The following TMEM71 variants were observed in gnomAD, a reference collection of about 807,000 sequenced individuals.
The protein encoded by TMEM71 is transmembrane protein 71.
Under a neutral mutation model 38.0 loss-of-function variants are expected in TMEM71, and 44 were observed. The ratio of observed to expected loss-of-function variants is 1.16; its 90% CI spans 0.91 to 1.49. The LOEUF (loss-of-function observed/expected upper bound fraction) is 1.49. TMEM71 is among the 40% of genes most tolerant of loss of function. The probability of loss-of-function intolerance (pLI) is 0.00; values close to 1 mark genes in which losing one functional copy is unlikely to be tolerated. For synonymous variants in TMEM71, 133 were observed against 122.5 expected, an observed-to-expected ratio of 1.09 and a Z score of -0.56; for missense variants, 367 against 348.6, an observed-to-expected ratio of 1.05 and a Z score of -0.42.
chr8:132,741,052 C>T (rs1050050728), intron 5 of TMEM71, among the ~76,000 whole-genome samples: 1 of 152,142 alleles, frequency 6.6e-6, no homozygotes, highest in Non-Finnish European at 1.5e-5. Context: ...CTCTGCCTAG[C>T]CATCCTATTC....
chr8:132,725,578 G>A (rs897162917), intron 6 of TMEM71, among the ~76,000 whole-genome samples: 5 of 152,164 alleles, frequency 3.3e-5, no homozygotes, highest in Non-Finnish European at 7.3e-5. Context: ...TGATGTATCT[G>A]CCTATATCTT....
In TMEM71 at chr8:132,727,871, G is replaced by A. The variant is rs1317899781; in HGVS notation, c.603C>T (p.Asn201=). ...SHIISQPPGG[N]SHSLSLQSQL... is the part of the protein sequence containing the mutation. ...GGGACTGAAGAGACAAGCTATGGGAGTTTCCTCCAGGAGGCTGAGATATGA... is the reference window on the plus strand; with the variant it reads ...GGGACTGAAGAGACAAGCTATGGGAATTTCCTCCAGGAGGCTGAGATATGA... The change falls in exon 6 of 10, where the codon AAC becomes AAT. Residue 201 remains asparagine (N), a synonymous_variant. Coordinates refer to ENST00000677595, the MANE Select transcript of TMEM71 (RefSeq NM_001382403.1). 1 of 1,614,194 alleles carries A rather than the reference G, an allele frequency of 6.2e-7. No homozygotes were observed.
At chr8:132,742,504 A>G (rs1828100443) in intron 5 of TMEM71, among the ~76,000 whole-genome samples, 1 of 151,838 alleles carries the variant, frequency 6.6e-6, no homozygotes, top group African/African-American at 2.4e-5. Flanking sequence ...TCCACATACT[A>G]CTCTTAAATC....
intron 6 of TMEM71, among the ~76,000 whole-genome samples, chr8:132,727,162 G>A (rs887332588): frequency 1.3e-5 from 2 of 152,008 alleles, no homozygotes; most frequent in East Asian, 1.9e-4. Flanking sequence ...TTCTTATGTA[G>A]TATGTCCAAT....
At chr8:132,747,616 A>G (rs971385274) in intron 4 of TMEM71, among the ~76,000 whole-genome samples, 8 of 152,148 alleles carry the variant, frequency 5.3e-5, no homozygotes, top group African/African-American at 1.9e-4. Context: ...TCGCTATGCT[A>G]TATAGGGGAT....
intron 5 of TMEM71, among the ~76,000 whole-genome samples, chr8:132,745,427 G>A (rs910953264): frequency 6.6e-6 from 1 of 152,104 alleles, no homozygotes; most frequent in African/African-American, 2.4e-5. Context: ...ATGAAAAAAT[G>A]TTCATCATCA....
chr8:132,770,658 C>T, the TMEM71 span, among the ~76,000 whole-genome samples: 43,848 of 152,144 alleles, frequency 0.29, 7,253 homozygotes, highest in South Asian at 0.46. Flanking sequence ...AGAAGGCAGA[C>T]TTATTCCTTA....
intron 7 of TMEM71, among the ~76,000 whole-genome samples, chr8:132,716,073 G>A (rs1826511159): frequency 1.3e-5 from 2 of 152,180 alleles, no homozygotes; most frequent in African/African-American, 4.8e-5. Flanking sequence ...CGGAACTGGA[G>A]GGGGCCCCGC....
At chr8:132,715,409 CAAAAAAAAAAAAAA>C (rs975995287) in intron 7 of TMEM71, among the ~76,000 whole-genome samples, 2 of 21,572 alleles carry the variant, frequency 9.3e-5, no homozygotes, top group African/African-American at 1.2e-4. Context: ...GACTCCGTCT[CAAAAAAAAAAAAAA>C]AAAAAAAAAA....
intron 6 of TMEM71, among the ~76,000 whole-genome samples, chr8:132,727,050 T>C (rs1827184926): frequency 6.6e-6 from 1 of 151,670 alleles, no homozygotes; most frequent in African/African-American, 2.4e-5. Context: ...AGAGATGGAC[T>C]TTTGCCATGT....
At chr8:132,752,877 A>T (rs1188819532) in intron 3 of TMEM71, among the ~76,000 whole-genome samples, 3 of 148,966 alleles carry the variant, frequency 2.0e-5, no homozygotes, top group Admixed American at 6.6e-5. Context: ...GGAAGGAAGG[A>T]AGGAAGGAAG....
At position 132,738,382 on chromosome 8, in the gene TMEM71, C is replaced by T. The variant is rs142674995; in HGVS notation, c.487+8560G>A. On this transcript the variant is annotated intron_variant, in intron 5 of 9. Coordinates refer to ENST00000677595, the MANE Select transcript of TMEM71 (RefSeq NM_001382403.1). ...ACCTCAGTTTTCTTTGATTCTCCCACGTTCTCACTACTATATTCTATCTAT... is the reference window on the plus strand; with the variant it reads ...ACCTCAGTTTTCTTTGATTCTCCCATGTTCTCACTACTATATTCTATCTAT... Among the ~76,000 whole-genome samples the T allele has an allele frequency of 2.1e-4, 32 of 152,290 alleles. No homozygotes were observed. In the East Asian group the frequency reaches 2.1e-3, roughly 10 times the overall value.
At chr8:132,736,913 G>T (rs1411928469) in intron 5 of TMEM71, among the ~76,000 whole-genome samples, 1 of 152,148 alleles carries the variant, frequency 6.6e-6, no homozygotes, top group Non-Finnish European at 1.5e-5. Context: ...CGAGGTGATG[G>T]ATATGTTAAT....
intron 4 of TMEM71, among the ~76,000 whole-genome samples, chr8:132,749,875 A>G (rs1015387408): frequency 2.0e-5 from 3 of 152,048 alleles, no homozygotes; most frequent in Non-Finnish European, 4.4e-5. Flanking sequence ...TTAGCTGGAC[A>G]TGGTGGTGCA....
chr8:132,744,883 A>G (rs1203532523), intron 5 of TMEM71, among the ~76,000 whole-genome samples: 1 of 152,210 alleles, frequency 6.6e-6, no homozygotes, highest in Non-Finnish European at 1.5e-5. Flanking sequence ...CTTCACACAT[A>G]CAGCCATCTA....
chr8:132,754,409 T>A (rs974406191), intron 3 of TMEM71, among the ~76,000 whole-genome samples: 1 of 152,234 alleles, frequency 6.6e-6, no homozygotes, highest in Admixed American at 6.5e-5. Context: ...AAGGTCAATA[T>A]GTAATTAAGA....
At chr8:132,754,523 G>C (rs906653873) in intron 3 of TMEM71, among the ~76,000 whole-genome samples, 17 of 152,036 alleles carry the variant, frequency 1.1e-4, no homozygotes, top group Admixed American at 3.9e-4. Context: ...TGTTGTTGTT[G>C]TTTTTAACAA....
downstream of TMEM71, among the ~76,000 whole-genome samples, chr8:132,708,050 A>G (rs1055918070): frequency 2.6e-5 from 4 of 152,202 alleles, no homozygotes; most frequent in African/African-American, 9.6e-5. Context: ...TATTATGATG[A>G]TGACTATTAA....
chr8:132,740,101 G>T (rs905743432), intron 5 of TMEM71, among the ~76,000 whole-genome samples: 1 of 152,188 alleles, frequency 6.6e-6, no homozygotes, highest in Non-Finnish European at 1.5e-5. Flanking sequence ...TCCACTCAGA[G>T]TATGAAAGCA....
Sources: allele counts gnomAD v4.1 joint callset (sites outside exome capture counted in the v4.1 genomes callset), GRCh38; gene constraint gnomAD v4.1.1; transcripts MANE v1.5; gene names NCBI Gene and HGNC (gene_info 2026-07-23, HGNC 2026-07-21).